Variants in SETX observed in about 807,000 individuals in gnomAD.
The protein encoded by SETX is helicase senataxin.
In SETX, 90 loss-of-function variants were observed where a neutral mutation model predicts 227.2. The ratio of observed to expected loss-of-function variants is 0.40; its 90% CI spans 0.33 to 0.47. SETX has a LOEUF of 0.47. Among genes scored for constraint, SETX ranks in the 20% least tolerant of loss-of-function variants. The pLI is 0.91. For synonymous variants in SETX, 1,210 were observed against 1,113.2 expected (o/e 1.09, Z -1.73); for missense variants, 3,052 against 3,181.5 (o/e 0.96, Z 0.98).
intron 12 of SETX, among the ~76,000 whole-genome samples, chr9:132,298,910 T>A (rs1386965481): frequency 2.0e-5 from 3 of 152,022 alleles, no homozygotes; most frequent in Non-Finnish European, 2.9e-5. Context: ...GCACTCTGTG[T>A]AGGGAAATAA....
rs774046536 is a variant in SETX at position 132,330,249 on chromosome 9, A to C, written c.1349T>G (p.Val450Gly). ...AAAAAATTCAGTGACTTTGTCACAC[A>C]CAGCATCTGTTTGGTTGAGGACTTC... ...VKEVLNQTDAVCDKVTEFFLL... is the reference protein window; with the variant it reads ...VKEVLNQTDAGCDKVTEFFLL... The change falls in exon 10 of 26, where the codon GTG becomes GGG. Residue 450 changes from valine to glycine, a missense_variant. Val to Gly is a moderately radical substitution (Grantham distance 109). Around this residue, in one of 10 missense-constraint regions of SETX, gnomAD observed 179 missense variants for 197.1 expected, o/e 0.91. Coordinates refer to ENST00000224140, the MANE Select transcript of SETX (RefSeq NM_015046.7). The C allele has an allele frequency of 2.3e-5, 37 of 1,577,034 alleles. No homozygotes were observed. Among genetic ancestry groups the C allele is most frequent in the Non-Finnish European group, 2.0e-5 (23 of 1,160,726 alleles).
At chr9:132,311,683 A>C (rs1416592917) in intron 11 of SETX, 74 bp downstream of exon 11, 1 of 1,095,602 alleles carries the variant, frequency 9.1e-7, no homozygotes. Context: ...AAATTCAAAT[A>C]ATGCTATCTC....
rs1216048724 is a variant in SETX, at chr9:132,311,784, C to T, written c.5347G>A (p.Asp1783Asn). The change falls in exon 11 of 26, where the codon GAT becomes AAT. Residue 1783 changes from aspartate to asparagine, a missense_variant. By Grantham distance (23) the Asp-to-Asn change is conservative. Around this residue, in one of 10 missense-constraint regions of SETX, gnomAD observed 239 missense variants for 272.1 expected, o/e 0.88. Transcript: ENST00000224140. ...YQLQVRKFPA[D>N]YIKYWEFAVY... is the part of the protein sequence containing the mutation. ...GCAAACTCCCAGTATTTTATATAATCGGCAGGAAATTTTCGTACTTGCAAC... is the reference window on the plus strand; with the variant it reads ...GCAAACTCCCAGTATTTTATATAATTGGCAGGAAATTTTCGTACTTGCAAC... 1.2e-5 allele frequency: 19 copies of T among 1,613,152 alleles called. No individual in the cohort carries two copies. Among genetic ancestry groups the T allele is most frequent in the South Asian group, 2.2e-5 (2 of 91,054 alleles).
chr9:132,283,253 C>T lies in SETX; in HGVS notation c.6546+11G>A, dbSNP rs973507515. On this transcript the variant is annotated intron_variant, in intron 19 of 25. Coordinates refer to ENST00000224140, the MANE Select transcript of SETX (RefSeq NM_015046.7). Reference sequence around the variant, plus strand: ...TAGTAGTCAAAGTTGTATGGCTGACCGTTCACTGACCTCATCAACAATGAC... The same window carrying T: ...TAGTAGTCAAAGTTGTATGGCTGACTGTTCACTGACCTCATCAACAATGAC... The T allele has an allele frequency of 3.3e-5, 53 of 1,613,968 alleles. No homozygotes were observed. The highest frequency in any genetic ancestry group is 4.2e-5 in the Non-Finnish European group (49 of 1,179,990).
intron 19 of SETX, among the ~76,000 whole-genome samples, chr9:132,282,260 TA>T (rs1348963395): frequency 6.6e-6 from 1 of 151,484 alleles, no homozygotes; most frequent in Non-Finnish European, 1.5e-5. Context: ...AAAGTCCTTT[TA>T]AAACTTTATT....
At position 132,272,296 on chromosome 9, in the gene SETX, G is replaced by A. The variant is rs552435542; in HGVS notation, c.7101-488C>T. 1.6e-4 allele frequency among the ~76,000 whole-genome samples: 25 copies of A among 152,126 alleles called. No homozygotes were observed. In the East Asian group the frequency reaches 4.5e-3, roughly 27 times the overall value. Reference sequence around the variant, plus strand: ...AGCCTCCTAAGTGGCTAGGACTACAGGCATGGACCACCACCCTAATTTTTC... The same window carrying A: ...AGCCTCCTAAGTGGCTAGGACTACAAGCATGGACCACCACCCTAATTTTTC... On this transcript the variant is annotated intron_variant, in intron 23 of 25. Coordinates refer to ENST00000224140, the MANE Select transcript of SETX (RefSeq NM_015046.7).
chr9:132,264,827 C>A lies in SETX; in HGVS notation c.7446G>T (p.Glu2482Asp), dbSNP rs748683260. The change falls in exon 26 of 26, where the codon GAG (glutamate) becomes GAT (aspartate). Residue 2482 changes from glutamate (E) to aspartate (D), a missense_variant. Glu to Asp is a conservative substitution (Grantham distance 45). This residue lies in a region of SETX where 294 missense variants were observed against 278.8 expected (regional missense o/e 1.05). Coordinates refer to ENST00000224140, the MANE Select transcript of SETX (RefSeq NM_015046.7). ...GCAAACCACCCTGGGGTCTGGACCC[C>A]TCTGGGGCTATGGTAGGAGGGTGAG... ...SLTHPPTIAP[E>D]GSRPQGGLPS... 6.8e-6 allele frequency: 11 copies of A among 1,614,198 alleles called. No homozygotes were observed. The East Asian group carries it at 2.0e-4, about 29-fold the overall frequency.
intron 10 of SETX, among the ~76,000 whole-genome samples, chr9:132,320,736 A>G (rs1303426863): frequency 2.6e-5 from 4 of 152,198 alleles, no homozygotes; most frequent in African/African-American, 9.7e-5. Context: ...AAGTAGATTG[A>G]ACACACACCA....
chr9:132,286,661 G>A (rs1843918395), intron 17 of SETX, among the ~76,000 whole-genome samples, 167 bp from the exon 18 acceptor site: 1 of 152,200 alleles, frequency 6.6e-6, no homozygotes, highest in Non-Finnish European at 1.5e-5. Context: ...TCTGTATGCT[G>A]CTGCGTAAGA....
chr9:132,278,024 G>T, intron 21 of SETX, 46 bp downstream of exon 21: 1 of 1,548,450 alleles, frequency 6.5e-7, no homozygotes. Context: ...TTCATAAGTA[G>T]CTAAACTACA....
Position 132,264,411 on chromosome 9 carries a change from T to G in SETX, c.7862A>C (p.Lys2621Thr). 1 of 1,614,088 alleles carries G rather than the reference T, an allele frequency of 6.2e-7. No homozygotes were observed. Among genetic ancestry groups the G allele is most frequent in the Non-Finnish European group, 8.5e-7 (1 of 1,180,014 alleles). The part of the protein sequence containing the change: ...ASPEASTCQS[K>T]CDDPEEELCH... ...GAGCTCCTCTTCCGGGTCATCACATTTGCTCTGACACGTGGAAGCCTCGGG... is the reference window on the plus strand; with the variant it reads ...GAGCTCCTCTTCCGGGTCATCACATGTGCTCTGACACGTGGAAGCCTCGGG... Residue 2621 changes from lysine (K) to threonine (T), a missense_variant, in exon 26 of 26, where the codon AAA becomes ACA. By Grantham distance (78) the Lys-to-Thr change is moderately conservative. Around this residue, in one of 10 missense-constraint regions of SETX, gnomAD observed 294 missense variants for 278.8 expected, o/e 1.05. Coordinates refer to ENST00000224140, the MANE Select transcript of SETX (RefSeq NM_015046.7).
At chr9:132,336,139 A>G (rs968031017) in intron 6 of SETX, among the ~76,000 whole-genome samples, 157 bp downstream of exon 6, 4 of 152,216 alleles carry the variant, frequency 2.6e-5, no homozygotes, top group Non-Finnish European at 5.9e-5. Flanking sequence ...GCTACTCGGG[A>G]GGCTAAGGCA....
chr9:132,271,562 G>GA (rs1394027804), intron 24 of SETX, 148 bp downstream of exon 24: 1 of 727,892 alleles, frequency 1.4e-6, no homozygotes, highest in Non-Finnish European at 2.4e-6. Flanking sequence ...ACTTAAAAGA[G>GA]AAACTTTCAT....
At chr9:132,341,657 GC>G (rs151259702) in intron 5 of SETX, among the ~76,000 whole-genome samples, 8,987 of 152,202 alleles carry the variant, frequency 0.059, 382 homozygotes, top group East Asian at 0.26. Flanking sequence ...TATGTAAACA[GC>G]TTTTAAAAAG....
At chr9:132,304,450 C>T (rs1367556402) in intron 11 of SETX, among the ~76,000 whole-genome samples, 1 of 151,726 alleles carries the variant, frequency 6.6e-6, no homozygotes, top group Non-Finnish European at 1.5e-5. Context: ...ATTGTGTAAA[C>T]CATCTCATTA....
At chr9:132,281,373 G>A (rs1484896097) in intron 20 of SETX, 94 bp downstream of exon 20, 2 of 826,670 alleles carry the variant, frequency 2.4e-6, no homozygotes, top group East Asian at 2.5e-5. Flanking sequence ...TCCAAATTAA[G>A]AGGCCAATCC....
At chr9:132,303,273 T>C (rs1192240625) in intron 11 of SETX, among the ~76,000 whole-genome samples, 3 of 151,358 alleles carry the variant, frequency 2.0e-5, no homozygotes, top group African/African-American at 7.3e-5. Context: ...TCTTCCTGTT[T>C]TGGCCTCCTA....
intron 10 of SETX, among the ~76,000 whole-genome samples, chr9:132,316,441 T>G (rs183927330): frequency 6.6e-6 from 1 of 152,286 alleles, no homozygotes; most frequent in Admixed American, 6.5e-5. Context: ...GACATTAACT[T>G]TGACAGAATA....
chr9:132,271,257 A>C (rs1842887770), intron 24 of SETX, among the ~76,000 whole-genome samples: 1 of 150,338 alleles, frequency 6.7e-6, no homozygotes, highest in African/African-American at 2.5e-5. Context: ...CACACTATGA[A>C]ATGGGTTAAT....
Sources: gnomAD v4.1 joint callset for allele counts (sites outside exome capture counted in the v4.1 genomes callset) on GRCh38, gnomAD v4.1.1 for gene constraint, gnomAD v4.1.1 regional missense constraint, MANE v1.5 for transcripts, NCBI Gene and HGNC (gene_info 2026-07-23, HGNC 2026-07-21) for gene names.